NXN: variants seen among roughly 807,000 people sequenced by gnomAD.
NXN encodes the protein nucleoredoxin 1.
Under a neutral mutation model 48.6 loss-of-function variants are expected in NXN, and 16 were observed. The observed-to-expected ratio is 0.33, with a 90% CI of 0.22 to 0.50. The LOEUF is 0.50. NXN is among the 20% of genes least tolerant of loss of function. NXN has a pLI of 0.98. For synonymous variants in NXN, 281 were observed against 269.6 expected, an observed-to-expected ratio of 1.04 and a Z score of -0.41; for missense variants, 492 against 605.5, an observed-to-expected ratio of 0.81 and a Z score of 1.97.
chr17:910,909 A>G (rs1567859144), intron 1 of NXN: 1 of 152,194 alleles, frequency 6.6e-6, no homozygotes, highest in Non-Finnish European at 1.5e-5. Context: ...TCCCCGCGAG[A>G]AGGCTTGGGA....
chr17:866,820 C>G (rs2068099891), intron 1 of NXN, among the ~76,000 whole-genome samples: 1 of 152,238 alleles, frequency 6.6e-6, no homozygotes, highest in South Asian at 2.1e-4. Context: ...AATACATATT[C>G]TTAGTGAAAC....
chr17:869,550 TTAAG>T (rs1450537547), intron 1 of NXN, among the ~76,000 whole-genome samples: 1 of 152,216 alleles, frequency 6.6e-6, no homozygotes, highest in African/African-American at 2.4e-5. Flanking sequence ...TCCACATACT[TTAAG>T]TATTATTTCT....
chr17:825,761 A>G lies in NXN; in HGVS notation c.478+200T>C. On this transcript the variant is annotated intron_variant, in intron 2 of 7. Transcript: ENST00000336868. The surrounding 1 kb of genome is among the most constrained non-coding windows in gnomAD (Gnocchi z 4.1). ...ATGAATTAAAGCCCCTAGGAGGGAC[A>G]TTCTGATCCCTGTGAAAATCTTAAA... The G allele has an allele frequency of 1.8e-6, 1 of 552,272 alleles. No homozygotes were observed. Among genetic ancestry groups the G allele is most frequent in the Non-Finnish European group, 3.2e-6 (1 of 309,736 alleles). 34.2% of individuals were successfully genotyped at this position (552,272 alleles called of 1,614,324 possible).
chr17:853,173 C>T (rs1462425123), intron 1 of NXN, among the ~76,000 whole-genome samples: 4 of 152,192 alleles, frequency 2.6e-5, no homozygotes, highest in African/African-American at 4.8e-5. Context: ...AATTCCCAGC[C>T]GGGCACGGTG....
At position 836,736 on chromosome 17, in the gene NXN, A is replaced by G. The variant is rs572400643; in HGVS notation, c.361-10658T>C. 2.2e-4 allele frequency among the ~76,000 whole-genome samples: 34 copies of G among 152,326 alleles called. No individual in the cohort carries two copies. In the South Asian group the frequency reaches 7.0e-3, roughly 32 times the overall value. On this transcript the variant is annotated intron_variant, in intron 1 of 7. Transcript: ENST00000336868. ...TACACCTCACTGAACTGCTGTGAACATGAGTTACATAGAGCGCTTAGCATA... is the reference window on the plus strand; with the variant it reads ...TACACCTCACTGAACTGCTGTGAACGTGAGTTACATAGAGCGCTTAGCATA...
At position 801,060 on chromosome 17, in the gene NXN, G is replaced by A. The variant is rs747531594; in HGVS notation, c.1197C>T (p.Asp399=). The A allele has an allele frequency of 3.8e-5, 60 of 1,579,160 alleles. No homozygotes were observed. The East Asian group carries it at 1.4e-3, about 38-fold the overall frequency. ...TCACGTACTTGGCCCGGGCTGACAT[G>A]TCCAGGATGGTGAGCAAAGGGGCAG... The part of the protein sequence containing the change: ...PEAAPLLTIL[D]MSARAKYVMD... The change falls in exon 8 of 8, where the codon GAC becomes GAT. Residue 399 remains aspartate (D), a synonymous_variant. Coordinates refer to ENST00000336868, the MANE Select transcript of NXN (RefSeq NM_022463.5).
At chr17:934,188 G>A (rs2068882461) in intron 1 of NXN, among the ~76,000 whole-genome samples, 1 of 152,148 alleles carries the variant, frequency 6.6e-6, no homozygotes, top group Non-Finnish European at 1.5e-5. Flanking sequence ...GCTCACGCCT[G>A]TAATCCCAGC....
intron 1 of NXN, among the ~76,000 whole-genome samples, chr17:905,883 G>A (rs1327871835): frequency 1.3e-5 from 2 of 151,862 alleles, no homozygotes; most frequent in Non-Finnish European, 2.9e-5. Flanking sequence ...AGGTTGGGGT[G>A]GGAGGATCGC....
chr17:934,714 A>G (rs1567508337), intron 1 of NXN, among the ~76,000 whole-genome samples: 1 of 151,162 alleles, frequency 6.6e-6, no homozygotes, highest in Non-Finnish European at 1.5e-5. Flanking sequence ...TCTCTACTAA[A>G]AATACAGAAA....
At chr17:841,582 ACGCCGGCGAGCAGGTCCCCCCGAC>A in intron 1 of NXN, among the ~76,000 whole-genome samples, 2 of 114,816 alleles carry the variant, frequency 1.7e-5, no homozygotes, top group African/African-American at 3.6e-5. Flanking sequence ...GGAGCATCTC[ACGCCGGCGAGCAGGTCCCCCCGAC>A]CACAGAGCAT....
At chr17:843,770 C>G (rs1045833885) in intron 1 of NXN, among the ~76,000 whole-genome samples, 5 of 152,178 alleles carry the variant, frequency 3.3e-5, no homozygotes, top group African/African-American at 1.2e-4. Flanking sequence ...CTGAGTAGCA[C>G]CTTTCGACGT....
intron 1 of NXN, among the ~76,000 whole-genome samples, chr17:923,855 T>G (rs1378523092): frequency 1.3e-5 from 2 of 152,134 alleles, no homozygotes; most frequent in Admixed American, 1.3e-4. Flanking sequence ...ATGAAACACT[T>G]GGTAATATTT....
At chr17:939,669 C>A (rs919482132) in intron 1 of NXN, among the ~76,000 whole-genome samples, 2 of 152,076 alleles carry the variant, frequency 1.3e-5, no homozygotes, top group Non-Finnish European at 1.5e-5. Flanking sequence ...TTAAAGAATA[C>A]GTTCTTACAT....
intron 1 of NXN, among the ~76,000 whole-genome samples, chr17:905,836 G>A (rs929443438): frequency 6.6e-6 from 1 of 151,982 alleles, no homozygotes. Flanking sequence ...AATTAGCTGG[G>A]CATGGTGGCA....
chr17:968,362 C>T (rs761749480), intron 1 of NXN, among the ~76,000 whole-genome samples: 2 of 152,190 alleles, frequency 1.3e-5, no homozygotes, highest in East Asian at 1.9e-4. Flanking sequence ...TCAGTAAAAC[C>T]GAGCACCTGA....
chr17:910,540 T>A (rs1253934704), intron 1 of NXN, among the ~76,000 whole-genome samples: 1 of 152,190 alleles, frequency 6.6e-6, no homozygotes, highest in Non-Finnish European at 1.5e-5. Flanking sequence ...TATTTGTTTT[T>A]TAGAAGAATT....
At chr17:951,814 G>A (rs867524859) in intron 1 of NXN, among the ~76,000 whole-genome samples, 1 of 152,224 alleles carries the variant, frequency 6.6e-6, no homozygotes, top group Non-Finnish European at 1.5e-5. Context: ...CCCTGGGAGA[G>A]CCACAGGGGC....
rs1250581572 is a variant in NXN at position 932,747 on chromosome 17, G to A, written c.360+46572C>T. Among the ~76,000 whole-genome samples the A allele has an allele frequency of 6.6e-6, 1 of 152,210 alleles. No individual in the cohort carries two copies. The highest frequency in any genetic ancestry group is 1.5e-5 in the Non-Finnish European group (1 of 68,044). On this transcript the variant is annotated intron_variant, in intron 1 of 7. Coordinates refer to ENST00000336868, the MANE Select transcript of NXN (RefSeq NM_022463.5). The surrounding 1 kb of genome is among the most constrained non-coding windows in gnomAD (Gnocchi z 4.1). ...GTGGTCCCCGGACAAGCAGCTGAGT[G>A]GGTGGGGAGTGCCTTGTTGTGGCCG... is the stretch of plus-strand genomic sequence containing the variant.
chr17:900,214 C>A (rs2068524524), intron 1 of NXN, among the ~76,000 whole-genome samples: 1 of 151,930 alleles, frequency 6.6e-6, no homozygotes, highest in Admixed American at 6.6e-5. Context: ...TGTGGTGAGC[C>A]AAGATTGCGC....
Sources: gnomAD v4.1 joint callset for allele counts (sites outside exome capture counted in the v4.1 genomes callset) on GRCh38, gnomAD v4.1.1 for gene constraint, Gnocchi (gnomAD v3.1) non-coding constraint, MANE v1.5 for transcripts, NCBI Gene and HGNC (gene_info 2026-07-23, HGNC 2026-07-21) for gene names.